Variants in CGGBP1 observed in about 807,000 individuals in gnomAD.
CGGBP1 encodes the protein CGG triplet repeat binding protein 1, also known as CGG triplet repeat-binding protein 1.
In CGGBP1, 4 loss-of-function variants were observed where a neutral mutation model predicts 11.4. The ratio of observed to expected loss-of-function variants is 0.35; its 90% confidence interval spans 0.17 to 0.80. The LOEUF (loss-of-function observed/expected upper bound fraction) is 0.80, where lower values mean the gene tolerates loss of function less well. Ranked by LOEUF, CGGBP1 falls within the 30% of genes least tolerant of loss-of-function variation. The probability of loss-of-function intolerance (pLI) is 0.52; values close to 1 mark genes in which losing one functional copy is unlikely to be tolerated. For missense variants in CGGBP1, 135 were observed against 202.1 expected (o/e 0.67, Z 2.01); for synonymous variants, 76 against 74.1 (o/e 1.03, Z -0.13).
intron 2 of CGGBP1, among the ~76,000 whole-genome samples, chr3:88,078,641 A>G (rs1461866386): frequency 1.3e-5 from 2 of 152,122 alleles, no homozygotes; most frequent in East Asian, 1.9e-4. Context: ...AGCCATCACT[A>G]TGGGTTCATT....
At chr3:88,056,234 G>C in intron 3 of CGGBP1, 1 of 363,626 alleles carries the variant, frequency 2.8e-6, no homozygotes, top group Non-Finnish European at 5.0e-6. Flanking sequence ...CGAAATTCAA[G>C]TAAATTAGAC....
intron 2 of CGGBP1, among the ~76,000 whole-genome samples, chr3:88,076,208 T>C (rs1452284812): frequency 6.6e-6 from 1 of 152,226 alleles, no homozygotes; most frequent in African/African-American, 2.4e-5. Context: ...GCTTTTATTA[T>C]AGACTTTCTG....
chr3:88,057,897 A>T (rs1192598646), intron 2 of CGGBP1, 122 bp downstream of exon 2: 1 of 152,278 alleles, frequency 6.6e-6, no homozygotes, highest in Non-Finnish European at 1.5e-5. Context: ...TCAATAGAAG[A>T]AAACATTTTC....
chr3:88,091,248 T>G (rs1203904838), intron 2 of CGGBP1, among the ~76,000 whole-genome samples: 1 of 152,128 alleles, frequency 6.6e-6, no homozygotes, highest in Non-Finnish European at 1.5e-5. Flanking sequence ...ACAGAAGTGT[T>G]GGAGAGAGGA....
chr3:88,140,963 C>T, intron 2 of CGGBP1: 1 of 1,613,380 alleles, frequency 6.2e-7, no homozygotes, highest in Non-Finnish European at 8.5e-7. Context: ...AATGCCTGAC[C>T]ACCTACTGTA....
intron 2 of CGGBP1, among the ~76,000 whole-genome samples, chr3:88,074,776 C>T (rs1707709054): frequency 6.6e-6 from 1 of 152,182 alleles, no homozygotes; most frequent in Non-Finnish European, 1.5e-5. Context: ...CAGGGAATTA[C>T]TTTTGCCAGT....
chr3:88,115,894 A>C (rs1705359701), intron 2 of CGGBP1, among the ~76,000 whole-genome samples: 1 of 152,178 alleles, frequency 6.6e-6, no homozygotes, highest in Non-Finnish European at 1.5e-5. Flanking sequence ...TAAATGCTGG[A>C]AATTAGGATG....
intron 2 of CGGBP1, among the ~76,000 whole-genome samples, chr3:88,110,729 A>G (rs1237312184): frequency 6.6e-6 from 1 of 152,108 alleles, no homozygotes; most frequent in South Asian, 2.1e-4. Flanking sequence ...TTAGTTGACT[A>G]TTTATACAGT....
intron 2 of CGGBP1, among the ~76,000 whole-genome samples, chr3:88,070,016 T>C (rs1054697309): frequency 6.6e-6 from 1 of 152,200 alleles, no homozygotes; most frequent in South Asian, 2.1e-4. Flanking sequence ...TCTCAAATTA[T>C]AGAATTTATT....
intron 2 of CGGBP1, among the ~76,000 whole-genome samples, chr3:88,067,634 GT>G (rs1707275909): frequency 6.6e-6 from 1 of 152,216 alleles, no homozygotes; most frequent in Non-Finnish European, 1.5e-5. Flanking sequence ...GAAAGAGAAT[GT>G]TTTAGGATGG....
intron 2 of CGGBP1, among the ~76,000 whole-genome samples, chr3:88,068,873 C>T (rs1173761905): frequency 2.6e-5 from 4 of 152,044 alleles, no homozygotes; most frequent in Admixed American, 2.6e-4. Context: ...CAGCCAAAAG[C>T]CAGCCCGTGC....
intron 1 of CGGBP1, among the ~76,000 whole-genome samples, chr3:88,147,601 A>G (rs755005457): frequency 5.9e-5 from 9 of 152,262 alleles, no homozygotes; most frequent in Non-Finnish European, 1.0e-4. Flanking sequence ...GGCTATTAAA[A>G]TTTAAATTCA....
At chr3:88,070,250 T>C (rs1707429236) in intron 2 of CGGBP1, among the ~76,000 whole-genome samples, 1 of 152,160 alleles carries the variant, frequency 6.6e-6, no homozygotes, top group South Asian at 2.1e-4. Flanking sequence ...TAACATTAAT[T>C]ATAATTAATG....
intron 1 of CGGBP1, among the ~76,000 whole-genome samples, chr3:88,144,922 A>C (rs920041991): frequency 4.6e-5 from 7 of 152,010 alleles, no homozygotes; most frequent in Admixed American, 3.9e-4. Flanking sequence ...TGTTTTTACT[A>C]AAGTCACTTC....
At chr3:88,075,864 T>G (rs1315431935) in intron 2 of CGGBP1, among the ~76,000 whole-genome samples, 1 of 152,162 alleles carries the variant, frequency 6.6e-6, no homozygotes, top group Admixed American at 6.5e-5. Flanking sequence ...GCATTCAATA[T>G]CAAGCAAATT....
intron 2 of CGGBP1, among the ~76,000 whole-genome samples, chr3:88,132,551 A>G (rs1706529149): frequency 1.3e-5 from 2 of 152,184 alleles, no homozygotes; most frequent in Admixed American, 6.5e-5. Context: ...CTCAGATCCC[A>G]TGTTTTAAAT....
intron 2 of CGGBP1, among the ~76,000 whole-genome samples, chr3:88,071,519 G>A (rs1308343458): frequency 1.3e-5 from 2 of 152,190 alleles, no homozygotes; most frequent in Non-Finnish European, 2.9e-5. Context: ...GGTAGCGGGC[G>A]CCTGTAGTCC....
chr3:88,134,467 C>T (rs1327215770), intron 2 of CGGBP1, among the ~76,000 whole-genome samples: 8 of 151,964 alleles, frequency 5.3e-5, no homozygotes, highest in Admixed American at 2.0e-4. Context: ...AAAAACCCAC[C>T]GCTCCTAGCC....
chr3:88,141,675 G>A lies in CGGBP1; in HGVS notation c.-337-597C>T, dbSNP rs1707143611. On this transcript the variant is annotated intron_variant, in intron 1 of 3. Coordinates refer to the CGGBP1 transcript ENST00000462901. ...TGATGAAAACGGTTCAGAAAGATCT[G>A]TCAATCAAGCAGTAGTGTGAAAAAA... The A allele has an allele frequency of 2.7e-6, 4 of 1,498,920 alleles. No individual in the cohort carries two copies. In the South Asian group the frequency reaches 5.3e-5, roughly 20 times the overall value. 92.9% of individuals were successfully genotyped at this position (1,498,920 alleles called of 1,614,324 possible).
Sources: allele counts gnomAD v4.1 joint callset (sites outside exome capture counted in the v4.1 genomes callset), GRCh38; gene constraint gnomAD v4.1.1; transcripts MANE v1.5; gene names NCBI Gene and HGNC (gene_info 2026-07-23, HGNC 2026-07-21).